CAMKMT: variants seen among roughly 807,000 people sequenced by gnomAD.
The protein encoded by CAMKMT is calmodulin-lysine N-methyltransferase.
Under a neutral mutation model 48.0 loss-of-function variants are expected in CAMKMT, and 53 were observed. The observed-to-expected ratio is 1.10, with a 90% CI of 0.89 to 1.39. The LOEUF (loss-of-function observed/expected upper bound fraction) is 1.39. Ranked by LOEUF, CAMKMT falls within the 40% of genes most tolerant of loss-of-function variation. The pLI is 0.00. For missense variants in CAMKMT, 428 were observed against 402.7 expected (o/e 1.06, Z -0.54); for synonymous variants, 165 against 152.3 (o/e 1.08, Z -0.61).
chr2:44,703,120 A>G (rs993290486), intron 3 of CAMKMT, among the ~76,000 whole-genome samples: 9 of 152,128 alleles, frequency 5.9e-5, no homozygotes, highest in Non-Finnish European at 1.3e-4. Flanking sequence ...TAATTGGGGG[A>G]AAACATAATT....
At chr2:44,769,917 G>A (rs557973618) in intron 10 of CAMKMT, among the ~76,000 whole-genome samples, 8 of 152,300 alleles carry the variant, frequency 5.3e-5, no homozygotes, top group East Asian at 1.9e-4. Context: ...TGTTCACGCC[G>A]TAGTAAGGCT....
intron 3 of CAMKMT, among the ~76,000 whole-genome samples, chr2:44,558,983 G>GGATA (rs57423310): frequency 0.06 from 9,084 of 151,542 alleles, 592 homozygotes; most frequent in African/African-American, 0.17. Context: ...ATGTATGTAT[G>GGATA]GATAGATAGA....
chr2:44,638,500 T>C (rs6544764), intron 3 of CAMKMT, among the ~76,000 whole-genome samples: 95,600 of 152,034 alleles, frequency 0.63, 30,612 homozygotes, highest in Middle Eastern at 0.7. Context: ...TGAAAACTCT[T>C]CTAGTGAGAA....
At chr2:44,498,830 C>T (rs1316494367) in intron 3 of CAMKMT, among the ~76,000 whole-genome samples, 1 of 152,114 alleles carries the variant, frequency 6.6e-6, no homozygotes, top group African/African-American at 2.4e-5. Context: ...GGCCAATATT[C>T]CCAAATGAGA....
intron 3 of CAMKMT, among the ~76,000 whole-genome samples, chr2:44,508,567 G>A (rs551531794): frequency 5.7e-4 from 47 of 82,624 alleles, no homozygotes; most frequent in African/African-American, 2.0e-3. Context: ...AGAGGTTCCA[G>A]TACTGTGGCT....
At chr2:44,551,044 A>G (rs1203427107) in intron 3 of CAMKMT, among the ~76,000 whole-genome samples, 1 of 152,188 alleles carries the variant, frequency 6.6e-6, no homozygotes, top group African/African-American at 2.4e-5. Context: ...TTTATTGTAA[A>G]AAGTCTCATC....
chr2:44,609,732 T>G (rs190646669), intron 3 of CAMKMT, among the ~76,000 whole-genome samples: 325 of 152,278 alleles, frequency 2.1e-3, no homozygotes, highest in African/African-American at 7.3e-3. Context: ...TAATTTAGTG[T>G]TTTTCTGCTT....
At chr2:44,502,056 C>T (rs990010045) in intron 3 of CAMKMT, among the ~76,000 whole-genome samples, 6 of 151,920 alleles carry the variant, frequency 3.9e-5, no homozygotes, top group African/African-American at 1.5e-4. Context: ...CTTGTCTCTA[C>T]AAAAAATACA....
chr2:44,699,444 T>A (rs1677141135), intron 3 of CAMKMT, among the ~76,000 whole-genome samples: 1 of 152,150 alleles, frequency 6.6e-6, no homozygotes, highest in Non-Finnish European at 1.5e-5. Flanking sequence ...GTATATAATA[T>A]TTTGAAGGGA....
At chr2:44,493,931 CA>C (rs1249338964) in intron 3 of CAMKMT, among the ~76,000 whole-genome samples, 1 of 152,176 alleles carries the variant, frequency 6.6e-6, no homozygotes, top group Non-Finnish European at 1.5e-5. Context: ...TAACTGGCTA[CA>C]TTTGGATAAT....
intron 3 of CAMKMT, among the ~76,000 whole-genome samples, chr2:44,575,737 G>A (rs1010261898): frequency 1.3e-5 from 2 of 151,520 alleles, no homozygotes; most frequent in African/African-American, 2.4e-5. Context: ...CTTGGCATTA[G>A]TACCAGCTAT....
intron 3 of CAMKMT, among the ~76,000 whole-genome samples, chr2:44,487,430 A>T (rs558536169): frequency 6.6e-6 from 1 of 152,324 alleles, no homozygotes; most frequent in South Asian, 2.1e-4. Flanking sequence ...CATGATAATT[A>T]TAATCAAATA....
At chr2:44,740,584 A>G (rs1679623755) in intron 7 of CAMKMT, among the ~76,000 whole-genome samples, 1 of 152,218 alleles carries the variant, frequency 6.6e-6, no homozygotes, top group African/African-American at 2.4e-5. Context: ...AAATGTAAGT[A>G]TAACTGCCAG....
At position 44,704,321 on chromosome 2, in the gene CAMKMT, C is replaced by T. The variant is rs148755941; in HGVS notation, c.415C>T (p.Leu139Phe). ...TGAAGAGGTTTTGGCTTACTACTGC[C>T]TCAAGCACAATAATATATTCAGGTA... ...PSEEVLAYYCLKHNNIFRALA... is the reference protein window; with the variant it reads ...PSEEVLAYYCFKHNNIFRALA... Residue 139 changes from leucine to phenylalanine, a missense_variant, in exon 4 of 11, where the codon CTC (leucine) becomes TTC (phenylalanine). Coordinates refer to ENST00000378494, the MANE Select transcript of CAMKMT (RefSeq NM_024766.5). The T allele has an allele frequency of 5.6e-6, 9 of 1,609,792 alleles. No individual in the cohort carries two copies. In the Admixed American group the frequency reaches 8.4e-5, roughly 15 times the overall value.
chr2:44,385,168 T>C (rs1180526012), intron 2 of CAMKMT, among the ~76,000 whole-genome samples: 1 of 152,176 alleles, frequency 6.6e-6, no homozygotes, highest in East Asian at 1.9e-4. Flanking sequence ...AGCTGTGTTT[T>C]GTAGTTTTCC....
At chr2:44,502,511 A>G (rs1230491801) in intron 3 of CAMKMT, among the ~76,000 whole-genome samples, 1 of 152,224 alleles carries the variant, frequency 6.6e-6, no homozygotes, top group Non-Finnish European at 1.5e-5. Context: ...AATCTGATGC[A>G]CTAATCACCA....
intron 3 of CAMKMT, among the ~76,000 whole-genome samples, chr2:44,583,192 T>G (rs1450946064): frequency 6.6e-6 from 1 of 152,176 alleles, no homozygotes; most frequent in East Asian, 1.9e-4. Context: ...GACTGGATAT[T>G]CATTCAACAA....
chr2:44,761,442 G>C (rs547020289), intron 9 of CAMKMT, among the ~76,000 whole-genome samples: 2 of 152,316 alleles, frequency 1.3e-5, no homozygotes, highest in African/African-American at 4.8e-5. Context: ...CTAAGTCAAG[G>C]TTTTCAAACC....
intron 3 of CAMKMT, among the ~76,000 whole-genome samples, chr2:44,446,191 G>C (rs1488463657): frequency 6.6e-6 from 1 of 151,706 alleles, no homozygotes; most frequent in East Asian, 1.9e-4. Context: ...CAGGTGATCG[G>C]CTCACCTTGG....
Sources: allele counts gnomAD v4.1 joint callset (sites outside exome capture counted in the v4.1 genomes callset), GRCh38; gene constraint gnomAD v4.1.1; transcripts MANE v1.5; gene names NCBI Gene and HGNC (gene_info 2026-07-23, HGNC 2026-07-21).